The following CATSPER4 variants were observed in gnomAD, a reference collection of about 807,000 sequenced individuals.
The protein encoded by CATSPER4 is cation channel sperm-associated protein 4.
In CATSPER4, 46 loss-of-function variants were observed where a neutral mutation model predicts 54.4. The ratio of observed to expected loss-of-function variants is 0.84; its 90% CI spans 0.67 to 1.08. CATSPER4 has a LOEUF of 1.08. CATSPER4 is among the 50% of genes least tolerant of loss of function. The probability of loss-of-function intolerance (pLI) is 0.00; values close to 1 mark genes in which losing one functional copy is unlikely to be tolerated. For missense variants in CATSPER4, 574 were observed against 612.8 expected (o/e 0.94, Z 0.67); for synonymous variants, 230 against 231.9 (o/e 0.99, Z 0.08).
At chr1:26,192,659 T>G (rs1339502265) in intron 2 of CATSPER4, among the ~76,000 whole-genome samples, 9 of 151,448 alleles carry the variant, frequency 5.9e-5, no homozygotes, top group African/African-American at 2.2e-4. Context: ...ACTCCTGGGC[T>G]CAAGCAATCC....
At chr1:26,199,045 G>A (rs955793262) in intron 6 of CATSPER4, among the ~76,000 whole-genome samples, 14 of 152,172 alleles carry the variant, frequency 9.2e-5, no homozygotes, top group African/African-American at 2.9e-4. Context: ...GGTGGCTCAC[G>A]CCTGTAATCC....
chr1:26,199,132 T>C (rs537973826), intron 6 of CATSPER4, among the ~76,000 whole-genome samples: 35 of 151,418 alleles, frequency 2.3e-4, no homozygotes, highest in Middle Eastern at 3.4e-3. Flanking sequence ...TGAAACCCCA[T>C]CTCTACTAAA....
In CATSPER4 at chr1:26,191,711, G is replaced by T. The variant is rs150953275; in HGVS notation, c.357+281G>T. On this transcript the variant is annotated intron_variant, in intron 2 of 9. Transcript: ENST00000456354. ...CAAATGGGTGCCTTGTGGAGAAGGGGTATCCAATTCTAACCAGCAGTCACT... is the reference window on the plus strand; with the variant it reads ...CAAATGGGTGCCTTGTGGAGAAGGGTTATCCAATTCTAACCAGCAGTCACT... Among the ~76,000 whole-genome samples the T allele has an allele frequency of 2.8e-3, 433 of 152,262 alleles. 3 individuals are homozygous for T. Among genetic ancestry groups the T allele is most frequent in the Middle Eastern group, 6.8e-3 (2 of 294 alleles).
chr1:26,201,127 C>A, intron 8 of CATSPER4, 86 bp downstream of exon 8: 1 of 1,201,834 alleles, frequency 8.3e-7, no homozygotes, highest in South Asian at 1.2e-5. Context: ...ACGCCCTCAC[C>A]ATTTATAAGG....
chr1:26,197,603 C>T (rs1309135560), intron 3 of CATSPER4, 83 bp from the exon 4 acceptor site: 1 of 935,096 alleles, frequency 1.1e-6, no homozygotes. Context: ...GAGCCCTCAT[C>T]CCTGGGATGT....
At chr1:26,194,822 C>G (rs1405049952) in intron 3 of CATSPER4, among the ~76,000 whole-genome samples, 1 of 152,144 alleles carries the variant, frequency 6.6e-6, no homozygotes, top group African/African-American at 2.4e-5. Context: ...TGCAGTGGCT[C>G]ATGCCTGTAA....
Position 26,190,800 on chromosome 1 carries a change from A to C in CATSPER4, c.173A>C (p.Glu58Ala), listed in dbSNP as rs759335686. ...CACGAGTCCTACGGTCGGCCAGAGG[A>C]GCAAGTGCTCATCAACCGCCAGGAA... is the stretch of plus-strand genomic sequence containing the variant. ...TIHESYGRPE[E>A]QVLINRQEIT... Residue 58 changes from glutamate to alanine, a missense_variant, in exon 1 of 10, where the codon GAG becomes GCG. By Grantham distance (107) the Glu-to-Ala change is moderately radical (BLOSUM62 -1). Coordinates refer to ENST00000456354, the MANE Select transcript of CATSPER4 (RefSeq NM_198137.2). 6.2e-7 allele frequency: 1 copy of C among 1,612,926 alleles called. No homozygotes were observed. Among genetic ancestry groups the C allele is most frequent in the East Asian group, 2.2e-5 (1 of 44,856 alleles).
At chr1:26,195,744 C>T (rs1264010728) in intron 3 of CATSPER4, among the ~76,000 whole-genome samples, 1 of 152,058 alleles carries the variant, frequency 6.6e-6, no homozygotes, top group Non-Finnish European at 1.5e-5. Flanking sequence ...CCTCGTGATC[C>T]GCCCTCCTCA....
In CATSPER4 at chr1:26,202,683, T is replaced by C; in HGVS notation, c.*141T>C. The C allele has an allele frequency of 1.3e-6, 1 of 772,504 alleles. No homozygotes were observed. Among genetic ancestry groups the C allele is most frequent in the East Asian group, 2.7e-5 (1 of 37,272 alleles). 47.9% of individuals were successfully genotyped at this position (772,504 alleles called of 1,614,324 possible). A position where few individuals can be genotyped will look rare whatever the true frequency, so the allele number is the denominator to read the frequency against. On this transcript the variant is annotated 3_prime_UTR_variant, in exon 10 of 10. Coordinates refer to ENST00000456354, the MANE Select transcript of CATSPER4 (RefSeq NM_198137.2). ...GGGCAGAGGCCAGGGGCTGTGAAGG[T>C]GGCAGCACCTGCAGGTCTGGTGCCT... is the stretch of plus-strand genomic sequence containing the variant.
At chr1:26,192,599 A>T (rs112775728) in intron 2 of CATSPER4, among the ~76,000 whole-genome samples, 16,272 of 145,498 alleles carry the variant, frequency 0.11, 1,190 homozygotes, top group South Asian at 0.21. Flanking sequence ...CAAAAAAAAA[A>T]TTTTTTTTGT....
chr1:26,201,940 T>G (rs866333415), intron 9 of CATSPER4, among the ~76,000 whole-genome samples: 9 of 152,104 alleles, frequency 5.9e-5, no homozygotes, highest in African/African-American at 2.2e-4. Flanking sequence ...CCACCCTCCT[T>G]GGCCTCCCAA....
chr1:26,195,935 A>C (rs2088933508), intron 3 of CATSPER4, among the ~76,000 whole-genome samples: 1 of 152,140 alleles, frequency 6.6e-6, no homozygotes, highest in African/African-American at 2.4e-5. Context: ...TTTCAACATG[A>C]GATTTGGAGG....
Position 26,197,938 on chromosome 1 carries a change from CT to C in CATSPER4, c.558-18del, listed in dbSNP as rs760391307. ...GGCTGGGAAGGGCCTAGGGGCACCC[CT>C]GACAGGCTCTGCCACAGGGCGCTTC... On this transcript the variant is annotated intron_variant, in intron 4 of 9. Coordinates refer to ENST00000456354, the MANE Select transcript of CATSPER4 (RefSeq NM_198137.2). The C allele has an allele frequency of 1.9e-5, 31 of 1,612,374 alleles. No homozygotes were observed. Among genetic ancestry groups the C allele is most frequent in the Admixed American group, 5.0e-5 (3 of 60,006 alleles).
chr1:26,200,151 C>G, intron 7 of CATSPER4, 93 bp downstream of exon 7: 1 of 1,443,094 alleles, frequency 6.9e-7, no homozygotes, highest in Non-Finnish European at 9.4e-7. Context: ...CTTGCATAAT[C>G]AAGGGCCTGG....
intron 2 of CATSPER4, among the ~76,000 whole-genome samples, chr1:26,191,674 A>C (rs1239884013): frequency 6.6e-6 from 1 of 152,188 alleles, no homozygotes; most frequent in Non-Finnish European, 1.5e-5. Context: ...GAATGGTGTG[A>C]GCAGAGGGAG....
At chr1:26,201,921 C>T (rs1459560723) in intron 9 of CATSPER4, among the ~76,000 whole-genome samples, 1 of 152,018 alleles carries the variant, frequency 6.6e-6, no homozygotes, top group Non-Finnish European at 1.5e-5. Flanking sequence ...GAACTCCTGA[C>T]CTCGTGATCC....
At chr1:26,191,004 A>G (rs968022113) in intron 1 of CATSPER4, among the ~76,000 whole-genome samples, 164 bp downstream of exon 1, 1 of 152,062 alleles carries the variant, frequency 6.6e-6, no homozygotes, top group Non-Finnish European at 1.5e-5. Context: ...ACTCTCTGGC[A>G]ATGCCCCCCA....
intron 6 of CATSPER4, among the ~76,000 whole-genome samples, chr1:26,199,654 C>T (rs1032501640): frequency 2.7e-5 from 4 of 150,526 alleles, no homozygotes; most frequent in African/African-American, 4.9e-5. Flanking sequence ...TTGATGTGCA[C>T]GTCCCCACCT....
rs747002647 is a variant in CATSPER4 at position 26,198,432 on chromosome 1, G to A, written c.812+13G>A. 6.2e-7 allele frequency: 1 copy of A among 1,613,990 alleles called. No homozygotes were observed. The highest frequency in any genetic ancestry group is 1.7e-5 in the Admixed American group (1 of 60,018). ...ACAGTGACTTCCAGTGAGTGCCAGTGGGACTTCCAGCCTCATCCCACCTAT... is the reference window on the plus strand; with the variant it reads ...ACAGTGACTTCCAGTGAGTGCCAGTAGGACTTCCAGCCTCATCCCACCTAT... On this transcript the variant is annotated intron_variant, in intron 6 of 9. Transcript: ENST00000456354.
Sources: gnomAD v4.1 joint callset for allele counts (sites outside exome capture counted in the v4.1 genomes callset) on GRCh38, gnomAD v4.1.1 for gene constraint, MANE v1.5 for transcripts, NCBI Gene and HGNC (gene_info 2026-07-23, HGNC 2026-07-21) for gene names.